SYT1: variants seen among roughly 807,000 people sequenced by gnomAD.
SYT1 encodes the protein synaptotagmin 1.
Under a neutral mutation model 44.8 loss-of-function variants are expected in SYT1, and 8 were observed. The ratio of observed to expected loss-of-function variants is 0.18; its 90% CI spans 0.10 to 0.32. SYT1 has a LOEUF of 0.32. Ranked by LOEUF, SYT1 falls within the 10% of genes least tolerant of loss-of-function variation. The probability of loss-of-function intolerance (pLI) is 1.00; values close to 1 mark genes in which losing one functional copy is unlikely to be tolerated. For synonymous variants in SYT1, 154 were observed against 188.8 expected, an observed-to-expected ratio of 0.82 and a Z score of 1.51; for missense variants, 286 against 509.3, an observed-to-expected ratio of 0.56 and a Z score of 4.22.
chr12:79,046,625 G>A (rs555085225), intron 2 of SYT1, among the ~76,000 whole-genome samples: 18 of 151,896 alleles, frequency 1.2e-4, no homozygotes, highest in African/African-American at 2.9e-4. Flanking sequence ...ATGCAATGAC[G>A]TGCAATCATT....
chr12:79,314,812 C>A (rs1482582432), intron 8 of SYT1, among the ~76,000 whole-genome samples: 1 of 152,048 alleles, frequency 6.6e-6, no homozygotes, highest in Non-Finnish European at 1.5e-5. Context: ...GTAGAAACAA[C>A]CAAAATATTC....
chr12:79,176,882 A>G (rs1851821774), intron 3 of SYT1, among the ~76,000 whole-genome samples: 1 of 151,954 alleles, frequency 6.6e-6, no homozygotes, highest in African/African-American at 2.4e-5. Flanking sequence ...AGTATCTCCT[A>G]AGAACAAAAA....
intron 1 of SYT1, among the ~76,000 whole-genome samples, chr12:78,886,297 T>C (rs1369824624): frequency 2.6e-5 from 4 of 152,048 alleles, no homozygotes; most frequent in African/African-American, 9.7e-5. Context: ...TTCTAAAAGC[T>C]ATCCTCCTCA....
At chr12:79,337,505 C>T (rs533818763) in intron 8 of SYT1, among the ~76,000 whole-genome samples, 2 of 152,296 alleles carry the variant, frequency 1.3e-5, no homozygotes, top group East Asian at 3.9e-4. Flanking sequence ...TTAGGATGCA[C>T]TAGCAGAAGT....
intron 8 of SYT1, among the ~76,000 whole-genome samples, chr12:79,337,846 A>T (rs111746066): frequency 6.6e-6 from 1 of 152,188 alleles, no homozygotes; most frequent in Non-Finnish European, 1.5e-5. Flanking sequence ...TGGTATCCAC[A>T]CTTACATTTA....
chr12:78,961,763 A>C (rs1879517591), intron 1 of SYT1, among the ~76,000 whole-genome samples: 1 of 152,136 alleles, frequency 6.6e-6, no homozygotes, highest in Non-Finnish European at 1.5e-5. Flanking sequence ...TAAGCTGTAT[A>C]ATTGAACTGG....
At position 79,449,356 on chromosome 12, in the gene SYT1, A is replaced by AGAT. The variant is rs1359730741; in HGVS notation, c.*233_*235dup. ...TCTTCTTTTAAGCAATATGATGTGT[A>AGAT]GATAGAGCATGAATGAAATTATTTA... On this transcript the variant is annotated 3_prime_UTR_variant, in exon 11 of 11. Transcript: ENST00000261205. 8 of 527,372 alleles carry AGAT rather than the reference A, an allele frequency of 1.5e-5. No individual in the cohort carries two copies. Among genetic ancestry groups the AGAT allele is most frequent in the Non-Finnish European group, 2.7e-5 (8 of 295,068 alleles). 32.7% of individuals were successfully genotyped at this position (527,372 alleles called of 1,614,324 possible). A position where few individuals can be genotyped will look rare whatever the true frequency, so the allele number is the denominator to read the frequency against.
chr12:79,023,736 G>A (rs1468831854), intron 2 of SYT1, among the ~76,000 whole-genome samples: 2 of 151,668 alleles, frequency 1.3e-5, no homozygotes, highest in African/African-American at 2.4e-5. Flanking sequence ...TCTTTACCAA[G>A]CTTCATCAAT....
At chr12:79,396,068 TC>T (rs1555223180) in intron 9 of SYT1, among the ~76,000 whole-genome samples, 1 of 152,190 alleles carries the variant, frequency 6.6e-6, no homozygotes, top group Non-Finnish European at 1.5e-5. Flanking sequence ...TACAAAATTA[TC>T]TATAACCATT....
chr12:79,099,998 T>C (rs936109045), intron 3 of SYT1, among the ~76,000 whole-genome samples: 1 of 152,172 alleles, frequency 6.6e-6, no homozygotes, highest in Non-Finnish European at 1.5e-5. Context: ...TGTCAAATTA[T>C]TTAACACTTG....
At chr12:79,423,738 A>T (rs1054811015) in intron 9 of SYT1, among the ~76,000 whole-genome samples, 1 of 151,970 alleles carries the variant, frequency 6.6e-6, no homozygotes, top group Admixed American at 6.6e-5. Flanking sequence ...ATGATATGTT[A>T]TGGTCGAGAT....
At chr12:78,964,623 A>AG (rs79076881) in intron 1 of SYT1, among the ~76,000 whole-genome samples, 24,114 of 152,124 alleles carry the variant, frequency 0.16, 2,256 homozygotes, top group African/African-American at 0.26. Context: ...TGTGCTCTAA[A>AG]GTGTTATAAA....
intron 3 of SYT1, among the ~76,000 whole-genome samples, chr12:79,153,115 A>G (rs755007107): frequency 6.6e-6 from 1 of 152,060 alleles, no homozygotes; most frequent in African/African-American, 2.4e-5. Context: ...ATTAAACTCA[A>G]AAGGAACCCT....
chr12:79,147,311 CTAAGTA>C (rs1869980704), intron 3 of SYT1, among the ~76,000 whole-genome samples: 3 of 152,036 alleles, frequency 2.0e-5, no homozygotes, highest in Non-Finnish European at 4.4e-5. Flanking sequence ...CCTTTATTTT[CTAAGTA>C]TATGAAAAGG....
chr12:79,322,703 T>G (rs930536343), intron 8 of SYT1, among the ~76,000 whole-genome samples: 1 of 152,286 alleles, frequency 6.6e-6, no homozygotes, highest in Admixed American at 6.5e-5. Flanking sequence ...TTGGGGCTCT[T>G]AAAATAGAAC....
intron 9 of SYT1, among the ~76,000 whole-genome samples, chr12:79,438,397 G>A (rs1011318878): frequency 3.9e-5 from 6 of 152,126 alleles, no homozygotes; most frequent in Non-Finnish European, 8.8e-5. Flanking sequence ...GGAGCATCAG[G>A]GCTAGATCAA....
chr12:79,057,656 G>T (rs2137825858), intron 3 of SYT1, among the ~76,000 whole-genome samples: 1 of 151,678 alleles, frequency 6.6e-6, no homozygotes, highest in Non-Finnish European at 1.5e-5. Flanking sequence ...TTCTAATTTT[G>T]CACAAGGTAA....
intron 2 of SYT1, among the ~76,000 whole-genome samples, chr12:78,990,929 T>C (rs1044527405): frequency 2.0e-5 from 3 of 152,098 alleles, no homozygotes; most frequent in Admixed American, 6.6e-5. Context: ...GACAAGTACA[T>C]GAAGGAATAA....
chr12:78,930,682 G>T (rs755608981), intron 1 of SYT1, among the ~76,000 whole-genome samples: 4 of 151,162 alleles, frequency 2.6e-5, no homozygotes, highest in Non-Finnish European at 5.9e-5. Context: ...TTGGGAAGTG[G>T]TGAAAACTTA....
Sources: allele counts gnomAD v4.1 joint callset (sites outside exome capture counted in the v4.1 genomes callset), GRCh38; gene constraint gnomAD v4.1.1; transcripts MANE v1.5; gene names NCBI Gene and HGNC (gene_info 2026-07-23, HGNC 2026-07-21).